The following BPTF variants were observed in gnomAD, a reference collection of about 807,000 sequenced individuals.
BPTF encodes the protein bromodomain PHD finger transcription factor.
Under a neutral mutation model 292.5 loss-of-function variants are expected in BPTF, and 18 were observed. That is an observed-to-expected ratio of 0.06 (90% CI 0.04 to 0.09). The LOEUF is 0.09. Among genes scored for constraint, BPTF ranks in the 10% least tolerant of loss-of-function variants. The pLI is 1.00. For synonymous variants in BPTF, 1,225 were observed against 1,251.9 expected, an observed-to-expected ratio of 0.98 and a Z score of 0.45; for missense variants, 2,726 against 3,498.7, an observed-to-expected ratio of 0.78 and a Z score of 5.57.
chr17:67,929,116 A>G, intron 16 of BPTF: 1 of 1,326,960 alleles, frequency 7.5e-7, no homozygotes. Context: ...CAGCAACACA[A>G]GGAGGTAAGG....
In BPTF at chr17:67,914,153, G is replaced by A. The variant is rs372590463; in HGVS notation, c.5303+966G>A. 9.3e-4 allele frequency among the ~76,000 whole-genome samples: 142 copies of A among 152,050 alleles called. 1 individual carries two copies. The highest frequency in any genetic ancestry group is 3.1e-3 in the African/African-American group (129 of 41,494). On this transcript the variant is annotated intron_variant, in intron 11 of 27. Coordinates refer to ENST00000306378, the MANE Select transcript of BPTF (RefSeq NM_182641.4). ...AATTATTTCAGCGAGTTACTGAGCC[G>A]TTTTCATTTCCCCTTAGGCTTCGTT...
At chr17:67,880,573 G>A in intron 4 of BPTF, among the ~76,000 whole-genome samples, 1 of 152,060 alleles carries the variant, frequency 6.6e-6, no homozygotes, top group East Asian at 1.9e-4. Context: ...AATATGGTGT[G>A]TGATGAAGTA....
intron 4 of BPTF, among the ~76,000 whole-genome samples, chr17:67,882,851 A>G (rs1218380608): frequency 6.6e-6 from 1 of 151,878 alleles, no homozygotes; most frequent in Non-Finnish European, 1.5e-5. Flanking sequence ...TATAAAAATT[A>G]GCTGGGCGTG....
In BPTF at chr17:67,911,296, C is replaced by G. The variant is rs73995064; in HGVS notation, c.3412C>G (p.Gln1138Glu). 8.1e-4 allele frequency: 1,312 copies of G among 1,614,060 alleles called. 13 individuals are homozygous for G. In the African/African-American group the frequency reaches 0.016, roughly 19 times the overall value. Residue 1138 changes from glutamine (Q) to glutamate (E), a missense_variant, in exon 11 of 28, where the codon CAG becomes GAG. Physicochemically the swap from Gln to Glu is conservative, Grantham distance 29 (BLOSUM62 2). This residue lies in a region of BPTF where 713 missense variants were observed against 714.9 expected (regional missense o/e 1.00). Transcript: ENST00000306378. ...ANNDQPEDLI[Q>E]GCSESDSSVL... ...TAATGATCAACCTGAGGACTTGATT[C>G]AGGGATGTTCAGAAAGTGATTCCTC...
At chr17:67,915,654 A>C (rs1057256564) in intron 11 of BPTF, among the ~76,000 whole-genome samples, 4 of 152,066 alleles carry the variant, frequency 2.6e-5, no homozygotes, top group Non-Finnish European at 5.9e-5. Flanking sequence ...TGTTTAGCAT[A>C]TGTGTGCCCC....
chr17:67,903,966 CT>C, intron 8 of BPTF, 48 bp downstream of exon 8: 1 of 1,490,032 alleles, frequency 6.7e-7, no homozygotes, highest in Non-Finnish European at 9.0e-7. Flanking sequence ...ATTTCTGAGA[CT>C]TTTATTCTGA....
intron 4 of BPTF, among the ~76,000 whole-genome samples, chr17:67,882,566 A>G (rs2060489752): frequency 6.6e-6 from 1 of 152,246 alleles, no homozygotes; most frequent in Non-Finnish European, 1.5e-5. Flanking sequence ...TTTATTTTAA[A>G]TAGTAGTATT....
At position 67,964,265 on chromosome 17, in the gene BPTF, G is replaced by A. The variant is rs1555685594; in HGVS notation, c.8315G>A (p.Gly2772Asp). ...CQNWYHGRCV[G>D]ILQSEAELID... ...AATTGGTACCATGGGCGCTGCGTTG[G>A]CATCTTGCAAAGTGAGGCAGAGCTC... The change falls in exon 25 of 28, where the codon GGC becomes GAC. Residue 2772 changes from glycine (G) to aspartate (D), a missense_variant. Coordinates refer to ENST00000306378, the MANE Select transcript of BPTF (RefSeq NM_182641.4). 1 of 1,614,054 alleles carries A rather than the reference G, an allele frequency of 6.2e-7. No individual in the cohort carries two copies. Among genetic ancestry groups the A allele is most frequent in the East Asian group, 2.2e-5 (1 of 44,884 alleles).
intron 9 of BPTF, among the ~76,000 whole-genome samples, chr17:67,907,348 A>G (rs1480179816): frequency 1.3e-5 from 2 of 151,630 alleles, no homozygotes; most frequent in African/African-American, 4.8e-5. Flanking sequence ...ACAATTATCA[A>G]AGTTTATCAC....
At position 67,964,368 on chromosome 17, in the gene BPTF, T is replaced by C; in HGVS notation, c.8418T>C (p.Asp2806=). ...MTVLTPLTEK[D]YEGLKRVLRS... is the part of the protein sequence containing the mutation. ...TGCTCACGCCACTAACAGAGAAGGA[T>C]TATGAGGGGTTGAAGAGGGTGCTCC... The change falls in exon 25 of 28, where the codon GAT becomes GAC. Residue 2806 remains aspartate (D), a synonymous_variant. Transcript: ENST00000306378. The C allele has an allele frequency of 1.9e-6, 3 of 1,614,058 alleles. No individual in the cohort carries two copies. The highest frequency in any genetic ancestry group is 2.5e-6 in the Non-Finnish European group (3 of 1,179,974).
At chr17:67,848,622 A>G (rs2058198983) in intron 1 of BPTF, among the ~76,000 whole-genome samples, 1 of 152,248 alleles carries the variant, frequency 6.6e-6, no homozygotes, top group African/African-American at 2.4e-5. Context: ...ATTAATTAAC[A>G]GATTATGACT....
intron 8 of BPTF, 99 bp downstream of exon 8, chr17:67,904,017 T>C (rs1379633385): frequency 4.8e-6 from 5 of 1,036,396 alleles, no homozygotes; most frequent in African/African-American, 3.4e-5. Flanking sequence ...GACATAGTCT[T>C]TGTATTTTAT....
At chr17:67,896,075 G>A (rs2061424834) in intron 7 of BPTF, among the ~76,000 whole-genome samples, 1 of 150,884 alleles carries the variant, frequency 6.6e-6, no homozygotes, top group African/African-American at 2.4e-5. Flanking sequence ...CCATTCTCCT[G>A]CCTCAGCCTC....
At chr17:67,829,411 C>T (rs913208059) in intron 1 of BPTF, among the ~76,000 whole-genome samples, 1 of 151,742 alleles carries the variant, frequency 6.6e-6, no homozygotes, top group Non-Finnish European at 1.5e-5. Context: ...CATAGGTATA[C>T]GTGTGCCATG....
rs554877324 is a variant in BPTF, at chr17:67,907,819, C to T, written c.2813-1763C>T. Among the ~76,000 whole-genome samples, 5 of 152,230 alleles carry T rather than the reference C, an allele frequency of 3.3e-5. No individual in the cohort carries two copies. In the East Asian group the frequency reaches 9.7e-4, roughly 29 times the overall value. On this transcript the variant is annotated intron_variant, in intron 9 of 27. Transcript: ENST00000306378. ...TCATTATCACACTCAACAAATTAAC[C>T]GTAATTAACAAATTAATAATCTGAT... is the stretch of plus-strand genomic sequence containing the variant.
chr17:67,843,737 TTGTC>T (rs1192902352), intron 1 of BPTF, among the ~76,000 whole-genome samples: 2 of 147,842 alleles, frequency 1.4e-5, no homozygotes, highest in Non-Finnish European at 3.0e-5. Flanking sequence ...GATTTTTAAA[TTGTC>T]TGGAGCAGTT....
intron 3 of BPTF, among the ~76,000 whole-genome samples, chr17:67,867,950 G>T (rs2059484641): frequency 6.6e-6 from 1 of 152,066 alleles, no homozygotes; most frequent in Non-Finnish European, 1.5e-5. Flanking sequence ...TAGCGGGTGA[G>T]GAGTTATGTT....
At chr17:67,905,715 A>T (rs2062139353) in intron 9 of BPTF, among the ~76,000 whole-genome samples, 2 of 152,156 alleles carry the variant, frequency 1.3e-5, no homozygotes, top group Non-Finnish European at 2.9e-5. Context: ...TCTCTTAAAA[A>T]AAAAAATCTT....
chr17:67,920,486 T>C (rs74789884), intron 13 of BPTF, among the ~76,000 whole-genome samples: 7,997 of 152,250 alleles, frequency 0.053, 306 homozygotes, highest in Non-Finnish European at 0.071. Context: ...GAGTCTGATA[T>C]GTAAGTGGGT....
Sources: gnomAD v4.1 joint callset for allele counts (sites outside exome capture counted in the v4.1 genomes callset) on GRCh38, gnomAD v4.1.1 for gene constraint, gnomAD v4.1.1 regional missense constraint, MANE v1.5 for transcripts, NCBI Gene and HGNC (gene_info 2026-07-23, HGNC 2026-07-21) for gene names.